CADM2: variants seen among roughly 807,000 people sequenced by gnomAD.
The protein encoded by CADM2 is cell adhesion molecule 2.
Under a neutral mutation model 49.8 loss-of-function variants are expected in CADM2, and 12 were observed. That is an observed-to-expected ratio of 0.24 (90% CI 0.15 to 0.39). The LOEUF (loss-of-function observed/expected upper bound fraction) is 0.39, where lower values mean the gene tolerates loss of function less well. Among genes scored for constraint, CADM2 ranks in the 10% least tolerant of loss-of-function variants. The pLI is 1.00. For missense variants in CADM2, 378 were observed against 492.3 expected (o/e 0.77, Z 2.20); for synonymous variants, 214 against 175.4 (o/e 1.22, Z -1.74).
At chr3:85,283,659 CTT>C (rs905927932) in intron 1 of CADM2, among the ~76,000 whole-genome samples, 100 of 152,058 alleles carry the variant, frequency 6.6e-4, no homozygotes, top group African/African-American at 2.2e-3. Context: ...TGCTATGACT[CTT>C]TAAGTGTGAG....
intron 1 of CADM2, among the ~76,000 whole-genome samples, chr3:85,147,275 CAAAAAAAAAAAAAAAA>C (rs759888985): frequency 2.2e-5 from 1 of 46,004 alleles, no homozygotes; most frequent in Non-Finnish European, 5.1e-5. Context: ...GACTCTGTCT[CAAAAAAAAAAAAAAAA>C]AAAAAAAAAA....
intron 1 of CADM2, among the ~76,000 whole-genome samples, chr3:85,690,066 A>T (rs1450845288): frequency 6.6e-6 from 1 of 152,196 alleles, no homozygotes; most frequent in Non-Finnish European, 1.5e-5. Flanking sequence ...CAGGAGGTAG[A>T]TGATTAGAGG....
At chr3:86,029,576 G>A (rs1385248225) in intron 8 of CADM2, among the ~76,000 whole-genome samples, 1 of 151,648 alleles carries the variant, frequency 6.6e-6, no homozygotes, top group Non-Finnish European at 1.5e-5. Flanking sequence ...TCTTTTCCTG[G>A]GCCTAGGATA....
At chr3:85,072,432 T>C (rs1277847456) in intron 1 of CADM2, among the ~76,000 whole-genome samples, 2 of 152,084 alleles carry the variant, frequency 1.3e-5, no homozygotes, top group Admixed American at 6.5e-5. Flanking sequence ...GCCCAGTGAA[T>C]GGCTGTTCAA....
intron 3 of CADM2, among the ~76,000 whole-genome samples, chr3:85,877,494 C>G (rs1350474822): frequency 6.6e-6 from 1 of 151,902 alleles, no homozygotes; most frequent in African/African-American, 2.4e-5. Context: ...TATGAATGGT[C>G]TCTGATTAAC....
At chr3:85,455,733 G>T (rs1341057920) in intron 1 of CADM2, among the ~76,000 whole-genome samples, 1 of 152,090 alleles carries the variant, frequency 6.6e-6, no homozygotes, top group Non-Finnish European at 1.5e-5. Context: ...ATTAATGACT[G>T]ACTCCTCTTT....
chr3:85,701,059 T>A (rs1326632652), intron 1 of CADM2, among the ~76,000 whole-genome samples: 3 of 152,156 alleles, frequency 2.0e-5, no homozygotes, highest in African/African-American at 7.2e-5. Flanking sequence ...CTGCAGGGTA[T>A]ACAGGAAGTG....
intron 1 of CADM2, among the ~76,000 whole-genome samples, chr3:85,006,602 A>G (rs1413968190): frequency 1.3e-5 from 2 of 152,124 alleles, no homozygotes; most frequent in Non-Finnish European, 2.9e-5. Context: ...GGTCAAGGAT[A>G]AAAATGCATG....
At chr3:85,963,144 T>C (rs1475920335) in intron 8 of CADM2, among the ~76,000 whole-genome samples, 1 of 151,966 alleles carries the variant, frequency 6.6e-6, no homozygotes, top group Non-Finnish European at 1.5e-5. Flanking sequence ...CATTATTGTA[T>C]AAAATCTCTC....
At chr3:85,008,040 A>G (rs1299252054) in intron 1 of CADM2, among the ~76,000 whole-genome samples, 1 of 152,180 alleles carries the variant, frequency 6.6e-6, no homozygotes, top group African/African-American at 2.4e-5. Flanking sequence ...TCTTTCTGAA[A>G]GGACTAACTG....
chr3:85,161,418 G>A (rs975866725), intron 1 of CADM2, among the ~76,000 whole-genome samples: 1 of 151,990 alleles, frequency 6.6e-6, no homozygotes, highest in Non-Finnish European at 1.5e-5. Flanking sequence ...ATTTTCTTAG[G>A]TCCTATGGCA....
At chr3:85,329,395 A>G (rs1426222012) in intron 1 of CADM2, among the ~76,000 whole-genome samples, 1 of 127,712 alleles carries the variant, frequency 7.8e-6, no homozygotes, top group East Asian at 2.2e-4. Context: ...ACACACAGAC[A>G]CACACACACA....
intron 3 of CADM2, among the ~76,000 whole-genome samples, chr3:85,853,985 C>T (rs1252102534): frequency 6.6e-6 from 1 of 151,976 alleles, no homozygotes; most frequent in Non-Finnish European, 1.5e-5. Flanking sequence ...GATGAGCCAG[C>T]GCATATTAAA....
At position 85,616,986 on chromosome 3, in the gene CADM2, T is replaced by C. The variant is rs112294493; in HGVS notation, c.62-109536T>C. On this transcript the variant is annotated intron_variant, in intron 1 of 9. Coordinates refer to ENST00000383699, the MANE Select transcript of CADM2 (RefSeq NM_001167675.2). ...AAAAGCGTGTGTGGTGAAAACACAC[T>C]CAATGTGTTTTTCCTCTGCTCTCAT... is the stretch of plus-strand genomic sequence containing the variant. Among the ~76,000 whole-genome samples, 595 of 152,240 alleles carry C rather than the reference T, an allele frequency of 3.9e-3. 3 individuals are homozygous for C. Among genetic ancestry groups the C allele is most frequent in the African/African-American group, 0.013 (533 of 41,560 alleles).
At chr3:85,924,219 T>G (rs1157365914) in intron 6 of CADM2, among the ~76,000 whole-genome samples, 2 of 152,212 alleles carry the variant, frequency 1.3e-5, no homozygotes, top group Non-Finnish European at 2.9e-5. Context: ...GAACACAAAT[T>G]ATGAAATATC....
chr3:85,479,986 T>G (rs1379695417), intron 1 of CADM2, among the ~76,000 whole-genome samples: 1 of 151,894 alleles, frequency 6.6e-6, no homozygotes, highest in Admixed American at 6.6e-5. Flanking sequence ...TAGGTGAAGT[T>G]TATGTATTTT....
At position 85,858,696 on chromosome 3, in the gene CADM2, T is replaced by C. The variant is rs528185255; in HGVS notation, c.239-24595T>C. Among the ~76,000 whole-genome samples the C allele has an allele frequency of 7.2e-5, 11 of 152,346 alleles. No individual in the cohort carries two copies. The South Asian group carries it at 2.3e-3, about 32-fold the overall frequency. On this transcript the variant is annotated intron_variant, in intron 3 of 9. Transcript: ENST00000383699. ...CAATTACACTTTACTCACTGCTATA[T>C]GCACTGGCAGGTCAACAGTTTATAT...
chr3:84,968,196 C>G (rs1157043723), intron 1 of CADM2, among the ~76,000 whole-genome samples: 1 of 151,826 alleles, frequency 6.6e-6, no homozygotes, highest in Non-Finnish European at 1.5e-5. Context: ...ATGTTCCATT[C>G]TGTGTCCAAC....
At chr3:85,974,443 G>A (rs371912644) in intron 8 of CADM2, among the ~76,000 whole-genome samples, 1 of 151,636 alleles carries the variant, frequency 6.6e-6, no homozygotes, top group Non-Finnish European at 1.5e-5. Flanking sequence ...AGCCAGACAT[G>A]TATCCTATGA....
Sources: allele counts gnomAD v4.1 joint callset (sites outside exome capture counted in the v4.1 genomes callset), GRCh38; gene constraint gnomAD v4.1.1; transcripts MANE v1.5; gene names NCBI Gene and HGNC (gene_info 2026-07-23, HGNC 2026-07-21).